ACTR3C: variants seen among roughly 807,000 people sequenced by gnomAD.
ACTR3C encodes actin-related protein 3C.
In ACTR3C, 18 loss-of-function variants were observed where a neutral mutation model predicts 26.3. That is an observed-to-expected ratio of 0.68 (90% CI 0.47 to 1.01). ACTR3C has a LOEUF of 1.01. Among genes scored for constraint, ACTR3C ranks in the 50% least tolerant of loss-of-function variants. ACTR3C has a pLI of 0.00. For synonymous variants in ACTR3C, 55 were observed against 94.5 expected, an observed-to-expected ratio of 0.58 and a Z score of 2.42; for missense variants, 184 against 250.7, an observed-to-expected ratio of 0.73 and a Z score of 1.80.
chr7:150,307,548 T>A (rs1259020512), intron 1 of ACTR3C, among the ~76,000 whole-genome samples: 1 of 152,188 alleles, frequency 6.6e-6, no homozygotes, highest in South Asian at 2.1e-4. Flanking sequence ...TTTACTGTAA[T>A]TTTTCATTAC....
At chr7:150,195,009 G>T in the ACTR3C span, among the ~76,000 whole-genome samples, 2 of 151,790 alleles carry the variant, frequency 1.3e-5, no homozygotes, top group East Asian at 3.9e-4. Context: ...CAGGAGAATT[G>T]TTTCAGTCCA....
chr7:150,068,722 G>T, the ACTR3C span, among the ~76,000 whole-genome samples: 239 of 143,148 alleles, frequency 1.7e-3, no homozygotes, highest in Admixed American at 3.7e-3. Context: ...GGCAGAACTT[G>T]CAGTGAGCCG....
chr7:150,159,002 C>T, the ACTR3C span, among the ~76,000 whole-genome samples: 3 of 146,926 alleles, frequency 2.0e-5, no homozygotes, highest in Non-Finnish European at 4.5e-5. Flanking sequence ...CACTCAGGCA[C>T]GCACATTCAG....
the ACTR3C span, among the ~76,000 whole-genome samples, chr7:149,885,307 G>T: frequency 6.6e-6 from 1 of 152,196 alleles, no homozygotes; most frequent in Non-Finnish European, 1.5e-5. Flanking sequence ...CCTTCAGCTG[G>T]CTTCCCCAGC....
At chr7:150,295,106 T>C (rs1836624201) in intron 2 of ACTR3C, 146 bp downstream of exon 2, 6 of 973,002 alleles carry the variant, frequency 6.2e-6, no homozygotes, top group Non-Finnish European at 9.1e-6. Context: ...TTCCCTATAG[T>C]CCTGAATGGC....
intron 4 of ACTR3C, among the ~76,000 whole-genome samples, chr7:150,288,326 C>T (rs1835944735): frequency 1.3e-5 from 2 of 149,088 alleles, no homozygotes; most frequent in African/African-American, 2.5e-5. Flanking sequence ...CAGTGTTGCT[C>T]AGCAATCCTG....
the ACTR3C span, among the ~76,000 whole-genome samples, chr7:150,221,852 G>A: frequency 2.0e-4 from 30 of 152,098 alleles, no homozygotes; most frequent in Non-Finnish European, 4.1e-4. Flanking sequence ...AACAAAATTA[G>A]CCAGGCGTGG....
At chr7:150,077,760 C>G in the ACTR3C span, among the ~76,000 whole-genome samples, 1 of 152,232 alleles carries the variant, frequency 6.6e-6, no homozygotes, top group East Asian at 1.9e-4. Context: ...TCTCCCTGCT[C>G]TTTGATGTCT....
chr7:150,044,519 G>A, the ACTR3C span, among the ~76,000 whole-genome samples: 1 of 152,206 alleles, frequency 6.6e-6, no homozygotes, highest in East Asian at 1.9e-4. Context: ...TTCCTGTGGA[G>A]CCACACAGTT....
At chr7:150,034,101 CCCAACAA>C in the ACTR3C span, among the ~76,000 whole-genome samples, 2 of 150,678 alleles carry the variant, frequency 1.3e-5, no homozygotes, top group Non-Finnish European at 3.0e-5. Flanking sequence ...CGATGCAGGT[CCCAACAA>C]CCGGGGGGAA....
At chr7:149,882,362 T>G in the ACTR3C span, among the ~76,000 whole-genome samples, 1 of 152,180 alleles carries the variant, frequency 6.6e-6, no homozygotes, top group African/African-American at 2.4e-5. Flanking sequence ...GAATTCTCAC[T>G]GAGCCCCCTG....
At chr7:150,112,066 C>G in the ACTR3C span, among the ~76,000 whole-genome samples, 8 of 149,416 alleles carry the variant, frequency 5.4e-5, no homozygotes, top group South Asian at 1.7e-3. Context: ...TAGATCATTC[C>G]TCATTTTCAT....
the ACTR3C span, among the ~76,000 whole-genome samples, chr7:149,905,013 C>T: frequency 2.0e-5 from 3 of 150,966 alleles, no homozygotes; most frequent in South Asian, 2.1e-4. Context: ...GCAACAAGAG[C>T]GAAACTCCAT....
intron 1 of ACTR3C, among the ~76,000 whole-genome samples, chr7:150,320,622 G>A (rs1797406032): frequency 1.3e-5 from 2 of 152,124 alleles, no homozygotes; most frequent in Non-Finnish European, 2.9e-5. Context: ...AATTAGCCAG[G>A]TAAAGTGGCG....
the ACTR3C span, among the ~76,000 whole-genome samples, chr7:150,100,624 C>T: frequency 6.6e-6 from 1 of 151,584 alleles, no homozygotes; most frequent in Non-Finnish European, 1.5e-5. Context: ...GTAAACATTG[C>T]AAAGCAAATT....
At chr7:150,242,237 TG>T (rs1268288577), downstream of ACTR3C, among the ~76,000 whole-genome samples, 12 of 143,124 alleles carry the variant, frequency 8.4e-5, no homozygotes, top group Admixed American at 2.1e-4. Flanking sequence ...AATGTGAGGG[TG>T]GGGGAAGAAT....
At chr7:150,143,818 C>T in the ACTR3C span, among the ~76,000 whole-genome samples, 3 of 152,234 alleles carry the variant, frequency 2.0e-5, no homozygotes, top group Non-Finnish European at 4.4e-5. Flanking sequence ...AGAGCTTGCA[C>T]CCCTGACTCC....
the ACTR3C span, among the ~76,000 whole-genome samples, chr7:150,077,999 A>G: frequency 6.6e-6 from 1 of 152,188 alleles, no homozygotes; most frequent in African/African-American, 2.4e-5. Flanking sequence ...CATACACACA[A>G]GACAACACTT....
At chr7:149,908,816 T>A in the ACTR3C span, among the ~76,000 whole-genome samples, 2 of 151,568 alleles carry the variant, frequency 1.3e-5, no homozygotes, top group East Asian at 3.9e-4. Flanking sequence ...AGTTTCACTC[T>A]TGTCACTCAG....
Sources: allele counts gnomAD v4.1 joint callset (sites outside exome capture counted in the v4.1 genomes callset), GRCh38; gene constraint gnomAD v4.1.1; transcripts MANE v1.5; gene names NCBI Gene and HGNC (gene_info 2026-07-23, HGNC 2026-07-21).